The following CNTN3 variants were observed in gnomAD, a reference collection of about 807,000 sequenced individuals.
CNTN3 encodes the protein contactin-3.
A neutral mutation model predicts 119.1 loss-of-function variants in CNTN3; 60 were observed. The observed-to-expected ratio is 0.50, with a 90% CI of 0.41 to 0.62. CNTN3 has a LOEUF of 0.62. CNTN3 is among the 20% of genes least tolerant of loss of function. The probability of loss-of-function intolerance (pLI) is 0.00; values close to 1 mark genes in which losing one functional copy is unlikely to be tolerated. For synonymous variants in CNTN3, 450 were observed against 438.7 expected (o/e 1.03, Z -0.32); for missense variants, 1,101 against 1,242.4 (o/e 0.89, Z 1.71).
At chr3:74,294,722 G>A (rs1016253648) in intron 19 of CNTN3, among the ~76,000 whole-genome samples, 49 of 151,940 alleles carry the variant, frequency 3.2e-4, no homozygotes, top group South Asian at 2.1e-4. Context: ...CTTCTCTAGA[G>A]CCTATAAAAG....
At chr3:74,561,781 C>T (rs968991979) in intron 1 of CNTN3, among the ~76,000 whole-genome samples, 11 of 152,174 alleles carry the variant, frequency 7.2e-5, no homozygotes, top group Non-Finnish European at 1.5e-5. Context: ...ATCCTCACCA[C>T]TTTCCATGAT....
chr3:74,582,646 C>T (rs558518066), intron 1 of CNTN3, among the ~76,000 whole-genome samples: 1 of 152,270 alleles, frequency 6.6e-6, no homozygotes, highest in East Asian at 1.9e-4. Context: ...ATACTTTCTT[C>T]TTTAATAGGA....
At chr3:74,389,977 A>G (rs746191053) in intron 5 of CNTN3, among the ~76,000 whole-genome samples, 9 of 152,210 alleles carry the variant, frequency 5.9e-5, no homozygotes, top group Non-Finnish European at 1.3e-4. Context: ...AAGCATGGTG[A>G]TAATTTGTAG....
At position 74,390,666 on chromosome 3, in the gene CNTN3, G is replaced by T. The variant is rs559393349; in HGVS notation, c.455-19267C>A. Among the ~76,000 whole-genome samples the T allele has an allele frequency of 2.0e-5, 3 of 152,254 alleles. No individual in the cohort carries two copies. In the East Asian group the frequency reaches 5.8e-4, roughly 29 times the overall value. ...AGCCATAGCCTGTCAGGCAAATCGG[G>T]TCAGCCCTAAACCTTTCCTAGTTGA... is the stretch of plus-strand genomic sequence containing the variant. On this transcript the variant is annotated intron_variant, in intron 5 of 22. Transcript: ENST00000263665.
intron 20 of CNTN3, among the ~76,000 whole-genome samples, chr3:74,268,103 T>G (rs1484559550): frequency 1.3e-5 from 2 of 152,144 alleles, no homozygotes; most frequent in Non-Finnish European, 2.9e-5. Flanking sequence ...AAAAAGTTAA[T>G]GAGGATTCCA....
intron 5 of CNTN3, among the ~76,000 whole-genome samples, chr3:74,373,348 C>A (rs1704389596): frequency 6.6e-6 from 1 of 152,188 alleles, no homozygotes; most frequent in Admixed American, 6.5e-5. Flanking sequence ...CCTCACTTTG[C>A]AGTAAAGGAG....
At chr3:74,455,436 C>A (rs907220719) in intron 4 of CNTN3, among the ~76,000 whole-genome samples, 24 of 152,012 alleles carry the variant, frequency 1.6e-4, no homozygotes, top group South Asian at 6.2e-4. Context: ...AACTTCTTTG[C>A]CTTTGGTTTG....
In CNTN3 at chr3:74,597,277, T is replaced by C. The variant is rs1350800640; in HGVS notation, c.-81+17114A>G. 2.6e-5 allele frequency among the ~76,000 whole-genome samples: 4 copies of C among 152,204 alleles called. No individual in the cohort carries two copies. The East Asian group carries it at 5.8e-4, about 22-fold the overall frequency. On this transcript the variant is annotated intron_variant, in intron 1 of 22. Transcript: ENST00000263665. The stretch of plus-strand genomic sequence containing the variant: ...CACTGTCCTTAGAATAATGATTTCG[T>C]TAGCTATTAAACCTTTTCACATGAT...
intron 20 of CNTN3, among the ~76,000 whole-genome samples, chr3:74,275,542 C>A (rs982145094): frequency 6.6e-6 from 1 of 152,092 alleles, no homozygotes; most frequent in Non-Finnish European, 1.5e-5. Flanking sequence ...TTGTATCCAG[C>A]GAAACTAAGC....
At chr3:74,286,246 G>A (rs1047680600) in intron 19 of CNTN3, among the ~76,000 whole-genome samples, 6 of 152,124 alleles carry the variant, frequency 3.9e-5, no homozygotes, top group Non-Finnish European at 8.8e-5. Flanking sequence ...CAAAGCATAC[G>A]AGGAACCCTG....
chr3:74,269,622 C>A (rs1366619855), intron 20 of CNTN3, among the ~76,000 whole-genome samples: 2 of 151,898 alleles, frequency 1.3e-5, no homozygotes, highest in African/African-American at 4.8e-5. Context: ...CAGCATTATT[C>A]AAAAGATGGG....
At chr3:74,467,178 T>C (rs780437937) in intron 4 of CNTN3, among the ~76,000 whole-genome samples, 9 of 152,120 alleles carry the variant, frequency 5.9e-5, no homozygotes, top group African/African-American at 1.7e-4. Context: ...AGAAAGATTA[T>C]GGCAGACAAG....
intron 1 of CNTN3, among the ~76,000 whole-genome samples, chr3:74,594,769 G>A (rs1174316750): frequency 6.6e-6 from 1 of 151,910 alleles, no homozygotes; most frequent in African/African-American, 2.4e-5. Context: ...GTGTGCATGT[G>A]TCTTTATAGC....
In CNTN3 at chr3:74,447,285, A is replaced by T. The variant is rs112145710; in HGVS notation, c.359-22345T>A. 7.0e-3 allele frequency among the ~76,000 whole-genome samples: 1,067 copies of T among 152,254 alleles called. 9 individuals are homozygous for T. Among genetic ancestry groups the T allele is most frequent in the African/African-American group, 0.024 (992 of 41,566 alleles). The stretch of plus-strand genomic sequence containing the variant: ...CAGTAGGAGGACTACTGAACAACAT[A>T]TGGTGATCCAGCAGGGAGGAAGCCA... On this transcript the variant is annotated intron_variant, in intron 4 of 22. Coordinates refer to ENST00000263665, the MANE Select transcript of CNTN3 (RefSeq NM_020872.3).
intron 16 of CNTN3, 57 bp from the exon 17 acceptor site, chr3:74,299,995 T>G: frequency 1.8e-6 from 2 of 1,082,752 alleles, no homozygotes; most frequent in Non-Finnish European, 2.6e-6. Flanking sequence ...AATATTTATC[T>G]AAAAGATAAT....
At chr3:74,476,032 T>C (rs888374906) in intron 4 of CNTN3, among the ~76,000 whole-genome samples, 1 of 152,180 alleles carries the variant, frequency 6.6e-6, no homozygotes, top group Non-Finnish European at 1.5e-5. Context: ...CAGTCTAGTG[T>C]TTCCATGTGA....
intron 1 of CNTN3, among the ~76,000 whole-genome samples, chr3:74,599,707 GACTA>G (rs1025120502): frequency 2.0e-5 from 3 of 152,072 alleles, no homozygotes; most frequent in African/African-American, 7.2e-5. Flanking sequence ...TGTGGGAAAT[GACTA>G]ACTGAATGTG....
chr3:74,582,966 A>T (rs1704538293), intron 1 of CNTN3, among the ~76,000 whole-genome samples: 1 of 152,218 alleles, frequency 6.6e-6, no homozygotes, highest in Non-Finnish European at 1.5e-5. Context: ...GAAGTGACTC[A>T]ATGACAATAT....
intron 1 of CNTN3, among the ~76,000 whole-genome samples, chr3:74,600,335 C>T (rs765367330): frequency 1.3e-5 from 2 of 152,052 alleles, no homozygotes; most frequent in Non-Finnish European, 2.9e-5. Context: ...AAAGTTCACT[C>T]ACAATCACTA....
Sources: allele counts gnomAD v4.1 joint callset (sites outside exome capture counted in the v4.1 genomes callset), GRCh38; gene constraint gnomAD v4.1.1; transcripts MANE v1.5; gene names NCBI Gene and HGNC (gene_info 2026-07-23, HGNC 2026-07-21).